The following TAFA2 variants were observed in gnomAD, a reference collection of about 807,000 sequenced individuals.
TAFA2 encodes TAFA chemokine like family member 2, also known as chemokine-like protein TAFA-2.
A neutral mutation model predicts 18.8 loss-of-function variants in TAFA2; 7 were observed. The ratio of observed to expected loss-of-function variants is 0.37; its 90% CI spans 0.21 to 0.70. TAFA2 has a LOEUF of 0.70. Among genes scored for constraint, TAFA2 ranks in the 30% least tolerant of loss-of-function variants. The probability of loss-of-function intolerance (pLI) is 0.53; values close to 1 mark genes in which losing one functional copy is unlikely to be tolerated. For synonymous variants in TAFA2, 60 were observed against 54.2 expected (o/e 1.11, Z -0.47); for missense variants, 122 against 158.1 (o/e 0.77, Z 1.23).
At chr12:62,108,323 C>CATCCA (rs1869557339) in intron 1 of TAFA2, among the ~76,000 whole-genome samples, 1 of 152,066 alleles carries the variant, frequency 6.6e-6, no homozygotes, top group African/African-American at 2.4e-5. Context: ...GAACTCATCC[C>CATCCA]TTTTTTGGCT....
At chr12:62,168,492 A>G (rs886417282) in intron 1 of TAFA2, among the ~76,000 whole-genome samples, 1 of 152,208 alleles carries the variant, frequency 6.6e-6, no homozygotes, top group African/African-American at 2.4e-5. Flanking sequence ...TATTCTGCTG[A>G]TAAACTGCAA....
intron 2 of TAFA2, among the ~76,000 whole-genome samples, chr12:61,861,256 CTTTT>C (rs1172711323): frequency 8.5e-6 from 1 of 117,156 alleles, no homozygotes; most frequent in African/African-American, 3.3e-5. Context: ...CTGGCCTCGC[CTTTT>C]TTTTTTTTTT....
intron 1 of TAFA2, among the ~76,000 whole-genome samples, chr12:62,200,683 G>T (rs1427153531): frequency 6.6e-6 from 1 of 152,184 alleles, no homozygotes; most frequent in Non-Finnish European, 1.5e-5. Flanking sequence ...AAGTCAGGTA[G>T]TGTGATGCCT....
chr12:61,987,467 CG>C (rs2136684184), intron 1 of TAFA2, among the ~76,000 whole-genome samples: 1 of 152,230 alleles, frequency 6.6e-6, no homozygotes, highest in East Asian at 1.9e-4. Context: ...ATTCCACAGC[CG>C]GAGTAACATG....
Position 62,113,286 on chromosome 12 carries a change from C to T in TAFA2, c.-2+77973G>A, listed in dbSNP as rs187616695. Among the ~76,000 whole-genome samples the T allele has an allele frequency of 2.3e-3, 347 of 152,272 alleles. 1 individual carries two copies. Among genetic ancestry groups the T allele is most frequent in the Non-Finnish European group, 3.8e-3 (257 of 68,012 alleles). On this transcript the variant is annotated intron_variant, in intron 1 of 4. Transcript: ENST00000416284. Reference sequence around the variant, plus strand: ...AGTTTGCTGAAAGTCCACTCCAGACCCCGTTTCCCTGGGTATCACCAGCAG... The same window carrying T: ...AGTTTGCTGAAAGTCCACTCCAGACTCCGTTTCCCTGGGTATCACCAGCAG...
At position 61,867,437 on chromosome 12, in the gene TAFA2, A is replaced by G; in HGVS notation, c.-1-11T>C. 6.9e-7 allele frequency: 1 copy of G among 1,438,918 alleles called. No individual in the cohort carries two copies. Among genetic ancestry groups the G allele is most frequent in the Non-Finnish European group, 9.7e-7 (1 of 1,029,810 alleles). 89.1% of individuals were successfully genotyped at this position (1,438,918 alleles called of 1,614,324 possible). On this transcript the variant is annotated splice_polypyrimidine_tract_variant and intron_variant, in intron 1 of 4. Coordinates refer to ENST00000416284, the MANE Select transcript of TAFA2 (RefSeq NM_178539.5). ...TATCTCTTACTCATCCTGCAAATAA[A>G]AAAATAATAAAAATCATAAGTATGC...
intron 2 of TAFA2, among the ~76,000 whole-genome samples, chr12:61,835,399 G>C (rs2121104880): frequency 6.6e-6 from 1 of 151,936 alleles, no homozygotes; most frequent in South Asian, 2.1e-4. Context: ...TAGATTCAAG[G>C]GGTGCATTTG....
In TAFA2 at chr12:61,996,038, T is replaced by C. The variant is rs545583845; in HGVS notation, c.-1-128612A>G. 7.9e-5 allele frequency among the ~76,000 whole-genome samples: 12 copies of C among 152,152 alleles called. No homozygotes were observed. In the South Asian group the frequency reaches 1.7e-3, roughly 21 times the overall value. On this transcript the variant is annotated intron_variant, in intron 1 of 4. Transcript: ENST00000416284. ...TAGTTGATTTTTTTTTCTTTTGACA[T>C]TGTATTGATAAGAAATATTTAGTAG...
chr12:61,958,688 T>A (rs1022125562), intron 1 of TAFA2, among the ~76,000 whole-genome samples: 1 of 152,050 alleles, frequency 6.6e-6, no homozygotes, highest in Non-Finnish European at 1.5e-5. Flanking sequence ...TTCTTGTTTA[T>A]ATAGATATTA....
At chr12:61,752,007 T>G (rs12423224) in intron 4 of TAFA2, among the ~76,000 whole-genome samples, 15,757 of 152,056 alleles carry the variant, frequency 0.1, 1,053 homozygotes, top group East Asian at 0.2. Context: ...AAGAATAAGT[T>G]AAATTATTAG....
At chr12:62,138,785 T>A (rs1342752540) in intron 1 of TAFA2, among the ~76,000 whole-genome samples, 1 of 152,186 alleles carries the variant, frequency 6.6e-6, no homozygotes, top group Non-Finnish European at 1.5e-5. Context: ...ATCTTTTCAG[T>A]TCAGTGCACC....
At chr12:62,097,051 CTG>C (rs1868983261) in intron 1 of TAFA2, among the ~76,000 whole-genome samples, 1 of 152,152 alleles carries the variant, frequency 6.6e-6, no homozygotes, top group South Asian at 2.1e-4. Context: ...GCTGTTGCAG[CTG>C]TGTCTAATTC....
At chr12:61,856,610 T>C (rs1347159043) in intron 2 of TAFA2, among the ~76,000 whole-genome samples, 1 of 152,054 alleles carries the variant, frequency 6.6e-6, no homozygotes, top group Non-Finnish European at 1.5e-5. Flanking sequence ...TGTTAATAAA[T>C]TAACATTCTA....
At chr12:61,955,632 A>T (rs4763077) in intron 1 of TAFA2, among the ~76,000 whole-genome samples, 129 of 40,860 alleles carry the variant, frequency 3.2e-3, no homozygotes, top group African/African-American at 0.013. Context: ...AAAAAAAAAA[A>T]ATATATATAT....
At chr12:62,258,694 C>A in intron 1 of TAFA2, 2 of 317,492 alleles carry the variant, frequency 6.3e-6, no homozygotes, top group Non-Finnish European at 6.3e-6. Context: ...TATTATTATA[C>A]TCAATTTTAT....
At chr12:61,786,392 A>G (rs1056237280) in intron 2 of TAFA2, among the ~76,000 whole-genome samples, 1 of 151,640 alleles carries the variant, frequency 6.6e-6, no homozygotes, top group Non-Finnish European at 1.5e-5. Context: ...AAAAATACCA[A>G]GCAGTCAAAA....
chr12:62,005,151 T>C (rs1202214190), intron 1 of TAFA2, among the ~76,000 whole-genome samples: 1 of 152,108 alleles, frequency 6.6e-6, no homozygotes, highest in East Asian at 1.9e-4. Flanking sequence ...TATCATATAC[T>C]AGAAATTTGC....
intron 1 of TAFA2, among the ~76,000 whole-genome samples, chr12:62,137,442 A>C (rs1870942244): frequency 6.6e-6 from 1 of 152,160 alleles, no homozygotes. Context: ...ACTAACCTGC[A>C]CAAGGTCACA....
chr12:62,187,662 ACACTGCACTGAATGAAT>A (rs1281304428), intron 1 of TAFA2, among the ~76,000 whole-genome samples: 4 of 152,176 alleles, frequency 2.6e-5, no homozygotes, highest in Non-Finnish European at 5.9e-5. Context: ...TTCATTGACG[ACACTGCACTGAATGAAT>A]CACTGCACTG....
Sources: allele counts gnomAD v4.1 joint callset (sites outside exome capture counted in the v4.1 genomes callset), GRCh38; gene constraint gnomAD v4.1.1; transcripts MANE v1.5; gene names NCBI Gene and HGNC (gene_info 2026-07-23, HGNC 2026-07-21).